The following ZDHHC15 variants were observed in gnomAD, a reference collection of about 807,000 sequenced individuals.
ZDHHC15 encodes palmitoyltransferase ZDHHC15.
Under a neutral mutation model 31.7 loss-of-function variants are expected in ZDHHC15, and 19 were observed. The observed-to-expected ratio is 0.60, with a 90% CI of 0.42 to 0.88. The LOEUF (loss-of-function observed/expected upper bound fraction) is 0.88, where lower values mean the gene tolerates loss of function less well. Ranked by LOEUF, ZDHHC15 falls within the 40% of genes least tolerant of loss-of-function variation. The pLI, the probability that ZDHHC15 is intolerant of heterozygous loss-of-function variation, is 0.00. For missense variants in ZDHHC15, 209 were observed against 251.2 expected (o/e 0.83, Z 1.14); for synonymous variants, 103 against 90.0 (o/e 1.14, Z -0.82).
chrX:75,506,789 A>T (rs1342671554), intron 1 of ZDHHC15, among the ~76,000 whole-genome samples: 1 of 112,160 alleles, frequency 8.9e-6, no homozygotes, highest in Non-Finnish European at 1.9e-5. Context: ...TTTCTTTTTT[A>T]AAAAACTTTA....
intron 10 of ZDHHC15, among the ~76,000 whole-genome samples, chrX:75,399,664 C>T (rs1208914267): frequency 1.8e-5 from 2 of 111,548 alleles, no homozygotes; most frequent in African/African-American, 3.3e-5. Context: ...CTCCAGTGGG[C>T]AGCCCAACTG....
In ZDHHC15 at chrX:75,383,734, G is replaced by GTTTTTTTTTTTTTTTTTTTTTTTTT. The variant is rs541238663; in HGVS notation, c.968-4537_968-4536insAAAAAAAAAAAAAAAAAAAAAAAAA. On this transcript the variant is annotated intron_variant, in intron 10 of 11. Transcript: ENST00000373367. ...ACTACCCCAAATTTAAGAAATGTTA[G>GTTTTTTTTTTTTTTTTTTTTTTTTT]GTTTTTTTTTTTTTTTTTTTTTGAG... is the stretch of plus-strand genomic sequence containing the variant. 7.7e-5 allele frequency among the ~76,000 whole-genome samples: 6 copies of GTTTTTTTTTTTTTTTTTTTTTTTTT among 77,793 alleles called. 3 individuals are homozygous for GTTTTTTTTTTTTTTTTTTTTTTTTT. 67.6% of individuals were successfully genotyped at this position (77,793 alleles called of 115,157 possible).
At chrX:75,450,755 G>C in intron 4 of ZDHHC15, 47 bp downstream of exon 4, 1 of 1,209,901 alleles carries the variant, frequency 8.3e-7, no homozygotes, top group Non-Finnish European at 1.1e-6. Context: ...TAGCCTTTCT[G>C]AGATACTTGC....
intron 2 of ZDHHC15, among the ~76,000 whole-genome samples, chrX:75,498,456 T>C (rs1602739489): frequency 8.9e-6 from 1 of 111,799 alleles, no homozygotes. Flanking sequence ...GGATATAAAA[T>C]CAGTGTACAT....
intron 1 of ZDHHC15, among the ~76,000 whole-genome samples, chrX:75,509,492 A>G (rs1303687338): frequency 8.9e-6 from 1 of 112,169 alleles, no homozygotes; most frequent in Non-Finnish European, 1.9e-5. Context: ...AAAGGAGAGT[A>G]GGAAGTTTGA....
chrX:75,402,884 C>T (rs192677208), intron 10 of ZDHHC15, among the ~76,000 whole-genome samples: 1 of 110,394 alleles, frequency 9.1e-6, no homozygotes, highest in Admixed American at 9.6e-5. Context: ...ATTCTGAGGC[C>T]AGCATTATCT....
At chrX:75,403,063 G>A (rs188632139) in intron 10 of ZDHHC15, among the ~76,000 whole-genome samples, 29 of 111,764 alleles carry the variant, frequency 2.6e-4, no homozygotes, top group African/African-American at 8.1e-4. Flanking sequence ...TTTCATCCCC[G>A]GAATGCAAAG....
chrX:75,436,944 T>G (rs1352635110), intron 4 of ZDHHC15, among the ~76,000 whole-genome samples: 1 of 112,179 alleles, frequency 8.9e-6, no homozygotes, highest in South Asian at 3.7e-4. Context: ...TGCAGTGGCG[T>G]GATCTCGGCT....
intron 3 of ZDHHC15, among the ~76,000 whole-genome samples, chrX:75,465,666 T>C (rs969813926): frequency 2.7e-5 from 3 of 111,399 alleles, no homozygotes; most frequent in Non-Finnish European, 5.7e-5. Flanking sequence ...CATGTGATCT[T>C]TGACAAACCT....
intron 2 of ZDHHC15, among the ~76,000 whole-genome samples, chrX:75,498,978 C>T (rs756819577): frequency 9.0e-6 from 1 of 111,342 alleles, no homozygotes; most frequent in Non-Finnish European, 1.9e-5. Flanking sequence ...AGAAATAAAG[C>T]CAAATACTTA....
intron 1 of ZDHHC15, among the ~76,000 whole-genome samples, chrX:75,513,640 C>T (rs2085311189): frequency 1.8e-5 from 2 of 111,230 alleles, no homozygotes; most frequent in East Asian, 2.8e-4. Context: ...TACTAATATA[C>T]ACATAACGGG....
In ZDHHC15 at chrX:75,381,581, CT is replaced by C. The variant is rs1173222446; in HGVS notation, c.968-2384del. ...CCCAAGTAATCTTTCTAAAATTAAC[CT>C]TTCCTTATATCAATATATCACTCAA... On this transcript the variant is annotated intron_variant, in intron 10 of 11. Coordinates refer to ENST00000373367, the MANE Select transcript of ZDHHC15 (RefSeq NM_144969.3). 2.7e-5 allele frequency among the ~76,000 whole-genome samples: 3 copies of C among 111,765 alleles called. No individual in the cohort carries two copies. In the Admixed American group the frequency reaches 2.9e-4, roughly 11 times the overall value.
intron 1 of ZDHHC15, among the ~76,000 whole-genome samples, chrX:75,516,094 C>A (rs969005514): frequency 1.8e-5 from 2 of 111,783 alleles, no homozygotes; most frequent in African/African-American, 6.5e-5. Context: ...AGGACACAAA[C>A]AAATGGAAGA....
chrX:75,442,944 C>T (rs1177257598), intron 4 of ZDHHC15, among the ~76,000 whole-genome samples: 6 of 101,583 alleles, frequency 5.9e-5, no homozygotes, highest in Admixed American at 3.2e-4. Flanking sequence ...CGAGAGCCCG[C>T]CACTGCACTC....
chrX:75,486,642 G>A (rs2084782240), intron 2 of ZDHHC15, among the ~76,000 whole-genome samples: 1 of 112,018 alleles, frequency 8.9e-6, no homozygotes, highest in Non-Finnish European at 1.9e-5. Context: ...GCAGTTGGGA[G>A]GTGGGGCAAA....
chrX:75,438,107 A>G (rs1490358927), intron 4 of ZDHHC15, among the ~76,000 whole-genome samples: 6 of 112,012 alleles, frequency 5.4e-5, no homozygotes, highest in African/African-American at 1.6e-4. Context: ...TAGAATGGCA[A>G]TCATTAAAAA....
At chrX:75,493,273 A>T (rs945060563) in intron 2 of ZDHHC15, among the ~76,000 whole-genome samples, 2 of 112,110 alleles carry the variant, frequency 1.8e-5, no homozygotes, top group African/African-American at 6.5e-5. Flanking sequence ...AGAGGCTCTG[A>T]AATTCAGTCA....
intron 4 of ZDHHC15, among the ~76,000 whole-genome samples, chrX:75,440,227 T>C (rs1343337103): frequency 9.0e-6 from 1 of 111,022 alleles, no homozygotes. Context: ...TGGAATTAGC[T>C]GTTGTTTTCT....
intron 3 of ZDHHC15, among the ~76,000 whole-genome samples, chrX:75,466,494 G>C (rs2084408729): frequency 9.0e-6 from 1 of 111,144 alleles, no homozygotes; most frequent in African/African-American, 3.3e-5. Flanking sequence ...TGCATTAATT[G>C]TAAGTTTCCT....
Sources: gnomAD v4.1 joint callset for allele counts (sites outside exome capture counted in the v4.1 genomes callset) on GRCh38, gnomAD v4.1.1 for gene constraint, MANE v1.5 for transcripts, NCBI Gene and HGNC (gene_info 2026-07-23, HGNC 2026-07-21) for gene names.